The following FAT1 variants were observed in gnomAD, a reference collection of about 807,000 sequenced individuals.
FAT1 encodes protocadherin Fat 1.
In FAT1, 171 loss-of-function variants were observed where a neutral mutation model predicts 329.8. The observed-to-expected ratio is 0.52, with a 90% CI of 0.46 to 0.59. The LOEUF is 0.59. Among genes scored for constraint, FAT1 ranks in the 20% least tolerant of loss-of-function variants. The pLI is 0.00. For missense variants in FAT1, 5,672 were observed against 5,774.4 expected (o/e 0.98, Z 0.57); for synonymous variants, 2,233 against 2,228.6 (o/e 1.00, Z -0.06).
At chr4:186,646,726 GAA>G (rs34078009) in intron 3 of FAT1, among the ~76,000 whole-genome samples, 66,998 of 147,618 alleles carry the variant, frequency 0.45, 15,249 homozygotes, top group Middle Eastern at 0.57. Context: ...AACCTACATA[GAA>G]AAAAAAAAAA....
rs1484647081 is a variant in FAT1 at position 186,609,230 on chromosome 4, G to A, written c.10159C>T (p.Pro3387Ser). 3 of 1,613,934 alleles carry A rather than the reference G, an allele frequency of 1.9e-6. No homozygotes were observed. Among genetic ancestry groups the A allele is most frequent in the East Asian group, 2.2e-5 (1 of 44,884 alleles). ...GTCACTTTGACTTCTCCCCTGACGGGGTCAATTGTGAACGAGCTTCCTTGG... is the reference window on the plus strand; with the variant it reads ...GTCACTTTGACTTCTCCCCTGACGGAGTCAATTGTGAACGAGCTTCCTTGG... Reference protein sequence around the residue: ...GNQGSSFTIDPVRGEVKVTKL... With the variant: ...GNQGSSFTIDSVRGEVKVTKL... The change falls in exon 16 of 27, where the codon CCC becomes TCC. Residue 3387 changes from proline (P) to serine (S), a missense_variant. Transcript: ENST00000441802.
At chr4:186,629,052 C>A (rs529122252) in intron 7 of FAT1, among the ~76,000 whole-genome samples, 1 of 152,276 alleles carries the variant, frequency 6.6e-6, no homozygotes, top group South Asian at 2.1e-4. Context: ...GTGGGCTTAA[C>A]TTCTCTTACG....
At chr4:186,609,160 G>A in intron 16 of FAT1, 23 bp downstream of exon 16, 1 of 1,608,984 alleles carries the variant, frequency 6.2e-7, no homozygotes, top group Non-Finnish European at 8.5e-7. Flanking sequence ...TGTAAACAAC[G>A]TAAATCAACC....
In FAT1 at chr4:186,595,371, G is replaced by A. The variant is rs115711850; in HGVS notation, c.13138+318C>T. Among the ~76,000 whole-genome samples, 3,481 of 151,980 alleles carry A rather than the reference G, an allele frequency of 0.023. 65 individuals are homozygous for A. Among genetic ancestry groups the A allele is most frequent in the African/African-American group, 0.054 (2,228 of 41,394 alleles). ...GCGTGGTTAAGAAAGTTGCGAGGAAGATTTCTGACAAACCCACAAAACTGG... is the reference window on the plus strand; with the variant it reads ...GCGTGGTTAAGAAAGTTGCGAGGAAAATTTCTGACAAACCCACAAAACTGG... On this transcript the variant is annotated intron_variant, in intron 26 of 26. Transcript: ENST00000441802.
upstream of FAT1, among the ~76,000 whole-genome samples, chr4:186,726,112 A>T (rs771436978): frequency 6.6e-6 from 1 of 152,254 alleles, no homozygotes; most frequent in Non-Finnish European, 1.5e-5. Flanking sequence ...CACAAACAGC[A>T]TCGCCTCTCA....
Position 186,596,597 on chromosome 4 carries a change from T to A in FAT1, c.12943A>T (p.Asn4315Tyr), listed in dbSNP as rs376695610. The A allele has an allele frequency of 1.2e-6, 2 of 1,612,728 alleles. No individual in the cohort carries two copies. Among genetic ancestry groups the A allele is most frequent in the Non-Finnish European group, 1.7e-6 (2 of 1,179,468 alleles). ...ATGGAGTCGCTGTCAGAAGGGGAGT[T>A]TGAAGGGGGTGGGGGAGGCAGGTTT... The part of the protein sequence containing the change: ...APNLPPPPPS[N>Y]SPSDSDSIQK... Residue 4315 changes from asparagine to tyrosine, a missense_variant, in exon 25 of 27, where the codon AAC becomes TAC. Coordinates refer to ENST00000441802, the MANE Select transcript of FAT1 (RefSeq NM_005245.4). The surrounding 1 kb of genome is among the most constrained non-coding windows in gnomAD (Gnocchi z 4.7).
intron 3 of FAT1, among the ~76,000 whole-genome samples, chr4:186,663,028 G>C (rs1472130239): frequency 6.6e-6 from 1 of 152,068 alleles, no homozygotes; most frequent in Non-Finnish European, 1.5e-5. Context: ...ACTAGAGATG[G>C]GGTTTCACCA....
At chr4:186,667,170 A>G (rs751285709) in intron 2 of FAT1, among the ~76,000 whole-genome samples, 14 of 152,236 alleles carry the variant, frequency 9.2e-5, no homozygotes, top group Admixed American at 1.3e-4. Context: ...AGAAACAGCT[A>G]TGATTTTTCC....
chr4:186,722,558 AATTAACT>A (rs1339554068), intron 1 of FAT1, among the ~76,000 whole-genome samples: 1 of 152,212 alleles, frequency 6.6e-6, no homozygotes, highest in Non-Finnish European at 1.5e-5. Flanking sequence ...CAAATATCAC[AATTAACT>A]ATTAACTGGA....
intron 2 of FAT1, among the ~76,000 whole-genome samples, chr4:186,669,968 T>C (rs1205276443): frequency 6.6e-6 from 1 of 152,198 alleles, no homozygotes; most frequent in East Asian, 1.9e-4. Flanking sequence ...CAGCATTCCC[T>C]CCCGCTGACA....
rs2126692846 is a variant in FAT1, at chr4:186,707,977, T to C, written c.1851A>G (p.Leu617=). ...ATGACAATACCCCCGAGTTGGGGTT[T>C]AAACTAAAGAAATCCAGTTCATTTC... ...EAGNELDFFS[L]NPNSGVLSLK... is the part of the protein sequence containing the mutation. Residue 617 remains leucine, a synonymous_variant, in exon 2 of 27, where the codon TTA becomes TTG. Transcript: ENST00000441802. 6.2e-7 allele frequency: 1 copy of C among 1,614,004 alleles called. No homozygotes were observed. Among genetic ancestry groups the C allele is most frequent in the Non-Finnish European group, 8.5e-7 (1 of 1,179,884 alleles).
At chr4:186,693,177 A>G (rs1743868739) in intron 2 of FAT1, among the ~76,000 whole-genome samples, 1 of 152,254 alleles carries the variant, frequency 6.6e-6, no homozygotes, top group Non-Finnish European at 1.5e-5. Flanking sequence ...TGTAAGACAG[A>G]AAAGTTTTAA....
rs770892817 is a variant in FAT1, at chr4:186,707,902, A to C, written c.1926T>G (p.Ser642Arg). 1 of 1,613,972 alleles carries C rather than the reference A, an allele frequency of 6.2e-7. No individual in the cohort carries two copies. Among genetic ancestry groups the C allele is most frequent in the Non-Finnish European group, 8.5e-7 (1 of 1,179,898 alleles). ...DGLGAKVSFH[S>R]LRITATDGEN... ...CTCCATCTGTAGCTGTGATTCTCAG[A>C]CTGTGGAAAGACACCTTTGCACCTA... is the stretch of plus-strand genomic sequence containing the variant. The change falls in exon 2 of 27, where the codon AGT becomes AGG. Residue 642 changes from serine (S) to arginine (R), a missense_variant. Physicochemically the swap from Ser to Arg is moderately radical, Grantham distance 110. Around this residue, in one of 2 missense-constraint regions of FAT1, gnomAD observed 3,966 missense variants for 3,915.2 expected, o/e 1.01. Coordinates refer to ENST00000441802, the MANE Select transcript of FAT1 (RefSeq NM_005245.4).
intron 3 of FAT1, among the ~76,000 whole-genome samples, chr4:186,649,800 A>G (rs1741549607): frequency 1.3e-5 from 2 of 152,216 alleles, no homozygotes; most frequent in Non-Finnish European, 2.9e-5. Context: ...TTTTTAAAAA[A>G]ATTAATGGCT....
At chr4:186,699,479 G>A (rs1744197578) in intron 2 of FAT1, among the ~76,000 whole-genome samples, 1 of 152,134 alleles carries the variant, frequency 6.6e-6, no homozygotes, top group Admixed American at 6.5e-5. Context: ...GATAAGACTG[G>A]CCCTTGAAGT....
chr4:186,647,353 A>AT (rs1233484419), intron 3 of FAT1, among the ~76,000 whole-genome samples: 1 of 152,174 alleles, frequency 6.6e-6, no homozygotes, highest in Non-Finnish European at 1.5e-5. Context: ...CACTACCTTT[A>AT]TTTTTAAGAT....
intron 2 of FAT1, among the ~76,000 whole-genome samples, chr4:186,674,971 T>G (rs143593582): frequency 6.6e-6 from 1 of 152,112 alleles, no homozygotes; most frequent in East Asian, 1.9e-4. Context: ...TAGGTCAAGG[T>G]TGCAGTGAGC....
chr4:186,692,845 A>G (rs59035714), intron 2 of FAT1, among the ~76,000 whole-genome samples: 28,389 of 152,076 alleles, frequency 0.19, 3,136 homozygotes, highest in South Asian at 0.3. Flanking sequence ...AGAAAAACGA[A>G]CATCTGCAGG....
At chr4:186,639,870 C>G in intron 3 of FAT1, 87 bp from the exon 4 acceptor site, 1 of 1,148,798 alleles carries the variant, frequency 8.7e-7, no homozygotes, top group African/African-American at 1.5e-5. Context: ...TGGCCAGGTG[C>G]GGTAGCTCAT....
Sources: allele counts gnomAD v4.1 joint callset (sites outside exome capture counted in the v4.1 genomes callset), GRCh38; gene constraint gnomAD v4.1.1; regional missense constraint gnomAD v4.1.1; non-coding constraint Gnocchi (gnomAD v3.1); transcripts MANE v1.5; gene names NCBI Gene and HGNC (gene_info 2026-07-23, HGNC 2026-07-21).